Variants in PHF20 observed in about 807,000 individuals in gnomAD.
PHF20 encodes the protein glioma-expressed antigen 2.
In PHF20, 23 loss-of-function variants were observed where a neutral mutation model predicts 113.5. The observed-to-expected ratio is 0.20, with a 90% CI of 0.15 to 0.29. The LOEUF is 0.29. Among genes scored for constraint, PHF20 ranks in the 10% least tolerant of loss-of-function variants. The probability of loss-of-function intolerance (pLI) is 1.00; values close to 1 mark genes in which losing one functional copy is unlikely to be tolerated. For missense variants in PHF20, 943 were observed against 1,219.6 expected (o/e 0.77, Z 3.38); for synonymous variants, 434 against 457.3 (o/e 0.95, Z 0.65).
At chr20:35,830,203 C>T (rs181095054) in intron 2 of PHF20, among the ~76,000 whole-genome samples, 3 of 152,188 alleles carry the variant, frequency 2.0e-5, no homozygotes, top group African/African-American at 7.2e-5. Context: ...TGTGAGCCAC[C>T]GTGCCCGGCC....
chr20:35,785,398 C>T (rs2041387621), intron 1 of PHF20, among the ~76,000 whole-genome samples: 1 of 152,112 alleles, frequency 6.6e-6, no homozygotes, highest in South Asian at 2.1e-4. Context: ...TGGCTCACTG[C>T]AACCTCTGCC....
chr20:35,799,434 C>T (rs1382051797), intron 1 of PHF20, among the ~76,000 whole-genome samples: 1 of 151,604 alleles, frequency 6.6e-6, no homozygotes, highest in Non-Finnish European at 1.5e-5. Flanking sequence ...CCACTGCATT[C>T]CAGCCTGGAC....
Position 35,869,463 on chromosome 20 carries a change from G to A in PHF20, c.834G>A (p.Leu278=), listed in dbSNP as rs1217505845. ...CTGTGGATTCAAACTCTCAAACTTTGCAACCAATAACATTGGAACTGAGAA... is the reference window on the plus strand; with the variant it reads ...CTGTGGATTCAAACTCTCAAACTTTACAACCAATAACATTGGAACTGAGAA... ...PTAVDSNSQT[L]QPITLELRRR... The change falls in exon 7 of 18, where the codon TTG becomes TTA. Residue 278 remains leucine (L), a synonymous_variant. Coordinates refer to ENST00000374012, the MANE Select transcript of PHF20 (RefSeq NM_016436.5). 12 of 1,605,778 alleles carry A rather than the reference G, an allele frequency of 7.5e-6. No homozygotes were observed. Among genetic ancestry groups the A allele is most frequent in the Non-Finnish European group, 1.0e-5 (12 of 1,174,692 alleles).
At chr20:35,908,437 A>G (rs2055239376) in intron 10 of PHF20, among the ~76,000 whole-genome samples, 2 of 152,222 alleles carry the variant, frequency 1.3e-5, no homozygotes, top group Admixed American at 6.5e-5. Context: ...CTCTGTCTCA[A>G]GGATTTAGGA....
chr20:35,774,323 C>T (rs576396512), intron 1 of PHF20, among the ~76,000 whole-genome samples: 13 of 152,116 alleles, frequency 8.5e-5, no homozygotes, highest in East Asian at 7.7e-4. Flanking sequence ...CACCCGCCTC[C>T]GCCTCCCAAA....
At chr20:35,885,634 A>C (rs1296037318) in intron 9 of PHF20, among the ~76,000 whole-genome samples, 1 of 151,896 alleles carries the variant, frequency 6.6e-6, no homozygotes, top group Admixed American at 6.6e-5. Flanking sequence ...TTTCCACAGA[A>C]ATACCACGTA....
chr20:35,878,400 C>T, intron 9 of PHF20: 1 of 436,160 alleles, frequency 2.3e-6, no homozygotes, highest in Non-Finnish European at 4.0e-6. Context: ...TGGACCTCTT[C>T]AGGTTGGCGT....
intron 1 of PHF20, chr20:35,800,011 C>G (rs2041748147): frequency 6.6e-6 from 1 of 152,092 alleles, no homozygotes; most frequent in East Asian, 1.9e-4. Context: ...ATGGCCTAAT[C>G]CAGTACACCT....
At chr20:35,937,003 T>A (rs2055877490) in intron 15 of PHF20, among the ~76,000 whole-genome samples, 1 of 152,096 alleles carries the variant, frequency 6.6e-6, no homozygotes, top group Non-Finnish European at 1.5e-5. Flanking sequence ...CTCACACATT[T>A]TAGGGAGACA....
At chr20:35,793,462 G>T (rs2041598656) in intron 1 of PHF20, among the ~76,000 whole-genome samples, 1 of 151,390 alleles carries the variant, frequency 6.6e-6, no homozygotes, top group African/African-American at 2.4e-5. Flanking sequence ...ACTAAGCCTG[G>T]CTAATTTTTG....
Position 35,871,056 on chromosome 20 carries a change from C to A in PHF20, c.1024C>A (p.Pro342Thr). 2 of 1,613,294 alleles carry A rather than the reference C, an allele frequency of 1.2e-6. No individual in the cohort carries two copies. The highest frequency in any genetic ancestry group is 2.2e-5 in the South Asian group (2 of 90,844). ...TAATGGGACCCATGAGATCCTAGAT[C>A]CTGACTTGGTTGTATCAGATTTGGT... ...STNGTHEILDPDLVVSDLVDT... is the reference protein window; with the variant it reads ...STNGTHEILDTDLVVSDLVDT... The change falls in exon 8 of 18, where the codon CCT (proline) becomes ACT (threonine). Residue 342 changes from proline (P) to threonine (T), a missense_variant. This residue lies in a region of PHF20 where 592 missense variants were observed against 787.2 expected (regional missense o/e 0.75). Transcript: ENST00000374012.
chr20:35,857,186 T>C (rs57113855), intron 4 of PHF20, among the ~76,000 whole-genome samples: 8,980 of 152,258 alleles, frequency 0.059, 385 homozygotes, highest in African/African-American at 0.13. Context: ...ACAAGATTAA[T>C]TGTGATTATT....
chr20:35,774,128 G>A (rs1398228297), intron 1 of PHF20, among the ~76,000 whole-genome samples: 1 of 151,380 alleles, frequency 6.6e-6, no homozygotes, highest in African/African-American at 2.4e-5. Flanking sequence ...TGTCGCCCAG[G>A]CTGGAGTGCA....
chr20:35,838,150 T>C (rs1277606842), intron 2 of PHF20, among the ~76,000 whole-genome samples: 2 of 152,194 alleles, frequency 1.3e-5, no homozygotes, highest in South Asian at 2.1e-4. Flanking sequence ...CTTGATTCTA[T>C]GAATCCTGAC....
chr20:35,884,782 C>T (rs1250630041), intron 9 of PHF20, among the ~76,000 whole-genome samples: 1 of 152,114 alleles, frequency 6.6e-6, no homozygotes, highest in Non-Finnish European at 1.5e-5. Flanking sequence ...ATAGATTCCC[C>T]AATTGCTAGC....
At chr20:35,906,542 C>A (rs2055204372) in intron 10 of PHF20, among the ~76,000 whole-genome samples, 1 of 152,004 alleles carries the variant, frequency 6.6e-6, no homozygotes, top group Non-Finnish European at 1.5e-5. Flanking sequence ...CCCGTTGTTC[C>A]ACCAGGCTCT....
At chr20:35,919,794 G>C (rs1312215903) in intron 13 of PHF20, among the ~76,000 whole-genome samples, 1 of 152,078 alleles carries the variant, frequency 6.6e-6, no homozygotes, top group Non-Finnish European at 1.5e-5. Flanking sequence ...TTTTCCCAGG[G>C]CTTTTAGAAA....
intron 14 of PHF20, among the ~76,000 whole-genome samples, chr20:35,930,382 G>A (rs1040057760): frequency 1.3e-5 from 2 of 152,180 alleles, no homozygotes; most frequent in Non-Finnish European, 2.9e-5. Flanking sequence ...GTGTAAGGTA[G>A]TGATGAATGC....
intron 1 of PHF20, among the ~76,000 whole-genome samples, chr20:35,777,106 A>C (rs748347362): frequency 6.6e-6 from 1 of 152,144 alleles, no homozygotes; most frequent in Non-Finnish European, 1.5e-5. Context: ...GCTGTATTTC[A>C]TTCAGAACTA....
Sources: gnomAD v4.1 joint callset for allele counts (sites outside exome capture counted in the v4.1 genomes callset) on GRCh38, gnomAD v4.1.1 for gene constraint, gnomAD v4.1.1 regional missense constraint, MANE v1.5 for transcripts, NCBI Gene and HGNC (gene_info 2026-07-23, HGNC 2026-07-21) for gene names.